The following SPATA13 variants were observed in gnomAD, a reference collection of about 807,000 sequenced individuals.
SPATA13 encodes the protein spermatogenesis-associated protein 13.
A neutral mutation model predicts 104.0 loss-of-function variants in SPATA13; 50 were observed. That is an observed-to-expected ratio of 0.48 (90% CI 0.38 to 0.61). SPATA13 has a LOEUF of 0.61. Ranked by LOEUF, SPATA13 falls within the 20% of genes least tolerant of loss-of-function variation. SPATA13 has a pLI of 0.00. For synonymous variants in SPATA13, 606 were observed against 667.5 expected, an observed-to-expected ratio of 0.91 and a Z score of 1.42; for missense variants, 1,524 against 1,690.6, an observed-to-expected ratio of 0.90 and a Z score of 1.73.
chr13:24,255,822 G>C (rs1342335371), intron 4 of SPATA13, among the ~76,000 whole-genome samples: 1 of 152,172 alleles, frequency 6.6e-6, no homozygotes, highest in Non-Finnish European at 1.5e-5. Flanking sequence ...ATCCAGCTCA[G>C]TAAGCCCACA....
intron 3 of SPATA13, among the ~76,000 whole-genome samples, chr13:24,146,765 G>T (rs1206754637): frequency 2.6e-5 from 4 of 152,044 alleles, no homozygotes; most frequent in Non-Finnish European, 5.9e-5. Flanking sequence ...ATCGTGGTCG[G>T]CTATGCTTCC....
intron 3 of SPATA13, among the ~76,000 whole-genome samples, chr13:24,106,260 C>T (rs1249544387): frequency 6.6e-6 from 1 of 152,210 alleles, no homozygotes; most frequent in African/African-American, 2.4e-5. Context: ...CCTCATACTC[C>T]TGGCCTCAGT....
intron 3 of SPATA13, among the ~76,000 whole-genome samples, chr13:24,059,867 G>C (rs1878715308): frequency 6.6e-6 from 1 of 152,148 alleles, no homozygotes; most frequent in Admixed American, 6.5e-5. Context: ...CTCTGACCAG[G>C]ACTTCTAATA....
chr13:24,162,107 A>G (rs7336618), intron 1 of SPATA13, among the ~76,000 whole-genome samples: 5 of 151,462 alleles, frequency 3.3e-5, no homozygotes, highest in South Asian at 4.2e-4. Flanking sequence ...CTCCTCCCGC[A>G]CTTTAGAGTT....
At chr13:24,065,523 C>T (rs577019446) in intron 3 of SPATA13, among the ~76,000 whole-genome samples, 5 of 152,330 alleles carry the variant, frequency 3.3e-5, no homozygotes, top group African/African-American at 1.2e-4. Context: ...GCTGAGAACT[C>T]ACTGACCATT....
intron 3 of SPATA13, among the ~76,000 whole-genome samples, chr13:24,079,749 C>T (rs1879448773): frequency 6.6e-6 from 1 of 152,168 alleles, no homozygotes; most frequent in African/African-American, 2.4e-5. Context: ...GTTACAGCCT[C>T]CTGCCTACAT....
chr13:24,004,706 A>T (rs553591221), intron 2 of SPATA13, among the ~76,000 whole-genome samples: 5 of 152,304 alleles, frequency 3.3e-5, no homozygotes, highest in African/African-American at 9.6e-5. Context: ...CTGAAAATTT[A>T]CATTCCATAC....
At chr13:24,105,006 C>T (rs1303549091) in intron 3 of SPATA13, among the ~76,000 whole-genome samples, 1 of 152,226 alleles carries the variant, frequency 6.6e-6, no homozygotes, top group Non-Finnish European at 1.5e-5. Context: ...TTGTCATCTT[C>T]TCTTCTCAGA....
intron 3 of SPATA13, among the ~76,000 whole-genome samples, chr13:24,025,138 C>T (rs1267866884): frequency 6.6e-6 from 1 of 151,500 alleles, no homozygotes; most frequent in Non-Finnish European, 1.5e-5. Context: ...AATTCTCTTT[C>T]CTTCTTTATT....
intron 3 of SPATA13, among the ~76,000 whole-genome samples, chr13:24,090,020 C>T (rs546130844): frequency 6.6e-6 from 1 of 152,288 alleles, no homozygotes; most frequent in Non-Finnish European, 1.5e-5. Context: ...TAATCACCTC[C>T]TAAAGGCCCC....
chr13:24,227,888 A>G (rs946754021), intron 2 of SPATA13, among the ~76,000 whole-genome samples: 1 of 151,690 alleles, frequency 6.6e-6, no homozygotes, highest in Non-Finnish European at 1.5e-5. Context: ...CTTATATAGC[A>G]CATCAGGCTT....
intron 1 of SPATA13, among the ~76,000 whole-genome samples, chr13:24,189,920 A>T (rs372271668): frequency 5.8e-4 from 8 of 13,850 alleles, no homozygotes; most frequent in East Asian, 3.3e-3. Flanking sequence ...CATAATATAT[A>T]TTATATAATT....
intron 3 of SPATA13, among the ~76,000 whole-genome samples, chr13:24,098,820 G>T (rs1054020186): frequency 3.3e-5 from 5 of 151,724 alleles, no homozygotes; most frequent in African/African-American, 9.7e-5. Context: ...CTAGCTACTT[G>T]GGAGGCTGAG....
chr13:24,228,518 G>C (rs968765104), intron 2 of SPATA13, among the ~76,000 whole-genome samples: 3 of 152,210 alleles, frequency 2.0e-5, no homozygotes, highest in African/African-American at 7.2e-5. Flanking sequence ...GTTACTTGTA[G>C]AGAAGTGCTT....
intron 3 of SPATA13, among the ~76,000 whole-genome samples, chr13:24,019,119 C>T (rs1445071251): frequency 3.5e-5 from 5 of 144,668 alleles, no homozygotes; most frequent in South Asian, 2.2e-4. Context: ...GACGGAGTCT[C>T]GCTCTGTCGC....
intron 4 of SPATA13, among the ~76,000 whole-genome samples, chr13:24,271,801 G>T (rs963251004): frequency 2.0e-5 from 3 of 152,176 alleles, no homozygotes; most frequent in African/African-American, 7.2e-5. Flanking sequence ...GCAGCCTGGG[G>T]CCCTGTCAGA....
chr13:24,041,420 A>G (rs1877924367), intron 3 of SPATA13, among the ~76,000 whole-genome samples: 1 of 152,268 alleles, frequency 6.6e-6, no homozygotes, highest in African/African-American at 2.4e-5. Flanking sequence ...TCCAAATTAA[A>G]TGACTCAGAA....
intron 1 of SPATA13, among the ~76,000 whole-genome samples, chr13:24,191,797 A>G (rs1027792319): frequency 1.3e-5 from 2 of 152,104 alleles, no homozygotes; most frequent in African/African-American, 4.8e-5. Flanking sequence ...GGCGTGAGCC[A>G]CTGCGACCAG....
At chr13:24,165,260 G>C (rs1314655401) in intron 1 of SPATA13, among the ~76,000 whole-genome samples, 2 of 152,162 alleles carry the variant, frequency 1.3e-5, no homozygotes, top group East Asian at 3.9e-4. Flanking sequence ...GGGATTCTGT[G>C]CCTGCCTCAG....
Sources: gnomAD v4.1 joint callset for allele counts (sites outside exome capture counted in the v4.1 genomes callset) on GRCh38, gnomAD v4.1.1 for gene constraint, MANE v1.5 for transcripts, NCBI Gene and HGNC (gene_info 2026-07-23, HGNC 2026-07-21) for gene names.